RABGAP1L: variants seen among roughly 807,000 people sequenced by gnomAD.
RABGAP1L encodes RAB GTPase activating protein 1 like, also known as rab GTPase-activating protein 1-like.
Under a neutral mutation model 137.7 loss-of-function variants are expected in RABGAP1L, and 63 were observed. The ratio of observed to expected loss-of-function variants is 0.46; its 90% CI spans 0.37 to 0.56. The LOEUF (loss-of-function observed/expected upper bound fraction) is 0.56, where lower values mean the gene tolerates loss of function less well. Among genes scored for constraint, RABGAP1L ranks in the 20% least tolerant of loss-of-function variants. RABGAP1L has a pLI of 0.00. For synonymous variants in RABGAP1L, 431 were observed against 433.7 expected (o/e 0.99, Z 0.08); for missense variants, 1,095 against 1,244.0 (o/e 0.88, Z 1.80).
At chr1:174,461,751 A>G (rs1160833447) in intron 13 of RABGAP1L, among the ~76,000 whole-genome samples, 1 of 152,146 alleles carries the variant, frequency 6.6e-6, no homozygotes, top group Non-Finnish European at 1.5e-5. Context: ...TGTGGAAAAG[A>G]ATATTTTAGG....
intron 15 of RABGAP1L, among the ~76,000 whole-genome samples, chr1:174,688,952 A>T (rs956679613): frequency 1.3e-5 from 2 of 152,190 alleles, no homozygotes; most frequent in African/African-American, 4.8e-5. Flanking sequence ...ATGAAGTGGT[A>T]ACTGTTAAAG....
Position 174,618,051 on chromosome 1 carries a change from C to G in RABGAP1L, c.1711-19324C>G, listed in dbSNP as rs767702649. On this transcript the variant is annotated intron_variant, in intron 13 of 25. Coordinates refer to ENST00000681986, the MANE Select transcript of RABGAP1L (RefSeq NM_001366446.1). ...CACGGAGCCTCACTCATTGCTAGCA[C>G]AGGAGTCTCAGATCAAACTGCAAGG... Among the ~76,000 whole-genome samples the G allele has an allele frequency of 4.6e-5, 7 of 152,164 alleles. 1 individual carries two copies. Among genetic ancestry groups the G allele is most frequent in the Middle Eastern group, 3.2e-3 (1 of 316 alleles).
intron 13 of RABGAP1L, among the ~76,000 whole-genome samples, chr1:174,523,178 C>T (rs1663578437): frequency 6.6e-6 from 1 of 152,174 alleles, no homozygotes; most frequent in South Asian, 2.1e-4. Flanking sequence ...TACAAATTCC[C>T]TGGGAGTTCC....
At chr1:174,647,716 C>A (rs925930714) in intron 14 of RABGAP1L, among the ~76,000 whole-genome samples, 1 of 151,872 alleles carries the variant, frequency 6.6e-6, no homozygotes, top group African/African-American at 2.4e-5. Flanking sequence ...ATGGTGCTGG[C>A]CTCATAAAAT....
intron 13 of RABGAP1L, among the ~76,000 whole-genome samples, chr1:174,542,184 G>GT (rs1665521680): frequency 6.6e-6 from 1 of 152,146 alleles, no homozygotes. Context: ...GTTCCTCCTT[G>GT]TACCTCTGGT....
At chr1:174,842,952 A>C (rs1382892478) in intron 19 of RABGAP1L, among the ~76,000 whole-genome samples, 1 of 152,126 alleles carries the variant, frequency 6.6e-6, no homozygotes, top group Non-Finnish European at 1.5e-5. Context: ...GCCTCTCTGA[A>C]GGCCATGGGA....
intron 19 of RABGAP1L, among the ~76,000 whole-genome samples, chr1:174,940,805 A>G (rs980935612): frequency 6.6e-6 from 1 of 152,222 alleles, no homozygotes; most frequent in African/African-American, 2.4e-5. Flanking sequence ...AGGTTCTTTC[A>G]TATTCCAAAT....
chr1:174,584,834 A>G (rs1187712110), intron 13 of RABGAP1L, among the ~76,000 whole-genome samples: 1 of 115,358 alleles, frequency 8.7e-6, no homozygotes, highest in Non-Finnish European at 1.7e-5. Context: ...ATGTATGTGT[A>G]TGTGTTTTTT....
chr1:174,644,925 A>G (rs998330287), intron 14 of RABGAP1L, among the ~76,000 whole-genome samples: 4 of 152,100 alleles, frequency 2.6e-5, no homozygotes, highest in Admixed American at 6.6e-5. Flanking sequence ...CATCTCCCTT[A>G]TAAAGGTAGT....
chr1:174,205,202 C>A (rs770991431), intron 1 of RABGAP1L, among the ~76,000 whole-genome samples: 1 of 152,116 alleles, frequency 6.6e-6, no homozygotes, highest in Non-Finnish European at 1.5e-5. Context: ...ATTCGGTTTT[C>A]AAGTATTTTG....
At chr1:174,580,796 G>A (rs1373803345) in intron 13 of RABGAP1L, among the ~76,000 whole-genome samples, 1 of 152,020 alleles carries the variant, frequency 6.6e-6, no homozygotes, top group African/African-American at 2.4e-5. Flanking sequence ...AAAAGATTGA[G>A]TATTCGGAAT....
At chr1:174,251,343 C>A in intron 6 of RABGAP1L, among the ~76,000 whole-genome samples, 1 of 151,440 alleles carries the variant, frequency 6.6e-6, no homozygotes, top group Non-Finnish European at 1.5e-5. Context: ...TATGGTTTGA[C>A]CACCACTTAA....
chr1:174,421,546 T>C (rs1226711911), intron 13 of RABGAP1L, among the ~76,000 whole-genome samples: 1 of 152,234 alleles, frequency 6.6e-6, no homozygotes, highest in African/African-American at 2.4e-5. Flanking sequence ...GAAATAATTT[T>C]TTTAGCACTT....
At chr1:174,229,627 A>C (rs1670467600) in intron 3 of RABGAP1L, among the ~76,000 whole-genome samples, 1 of 152,076 alleles carries the variant, frequency 6.6e-6, no homozygotes, top group Non-Finnish European at 1.5e-5. Context: ...GACTAGCCTC[A>C]ATAAATCTAC....
intron 17 of RABGAP1L, among the ~76,000 whole-genome samples, chr1:174,719,409 G>C (rs1681303803): frequency 6.6e-6 from 1 of 152,120 alleles, no homozygotes; most frequent in Admixed American, 6.6e-5. Context: ...TTTGAACCCA[G>C]TAGAGTTTCA....
chr1:174,389,364 T>G (rs1687045184), intron 12 of RABGAP1L, among the ~76,000 whole-genome samples: 1 of 151,728 alleles, frequency 6.6e-6, no homozygotes, highest in African/African-American at 2.4e-5. Flanking sequence ...TACTTCCACC[T>G]CCTATCAAAA....
chr1:174,172,629 G>A (rs1285975886), intron 1 of RABGAP1L, among the ~76,000 whole-genome samples: 1 of 151,936 alleles, frequency 6.6e-6, no homozygotes, highest in Non-Finnish European at 1.5e-5. Context: ...TATACCTGTT[G>A]GCCCTTTGTA....
intron 17 of RABGAP1L, among the ~76,000 whole-genome samples, chr1:174,729,701 C>G (rs1427161390): frequency 6.6e-6 from 1 of 152,036 alleles, no homozygotes; most frequent in African/African-American, 2.4e-5. Context: ...ATACAAGCAG[C>G]CAAAAGACAT....
chr1:174,842,975 T>A (rs535404389), intron 19 of RABGAP1L, among the ~76,000 whole-genome samples: 1 of 152,286 alleles, frequency 6.6e-6, no homozygotes, highest in South Asian at 2.1e-4. Context: ...TACCTATTTG[T>A]TTGTCAAAGC....
Sources: allele counts gnomAD v4.1 joint callset (sites outside exome capture counted in the v4.1 genomes callset), GRCh38; gene constraint gnomAD v4.1.1; transcripts MANE v1.5; gene names NCBI Gene and HGNC (gene_info 2026-07-23, HGNC 2026-07-21).